RIC8B: variants seen among roughly 807,000 people sequenced by gnomAD.
RIC8B encodes the protein RIC8 guanine nucleotide exchange factor B.
Under a neutral mutation model 57.5 loss-of-function variants are expected in RIC8B, and 16 were observed. The observed-to-expected ratio is 0.28, with a 90% CI of 0.19 to 0.42. The LOEUF (loss-of-function observed/expected upper bound fraction) is 0.42, where lower values mean the gene tolerates loss of function less well. Among genes scored for constraint, RIC8B ranks in the 10% least tolerant of loss-of-function variants. RIC8B has a pLI of 1.00. For synonymous variants in RIC8B, 216 were observed against 250.8 expected (o/e 0.86, Z 1.31); for missense variants, 481 against 677.0 (o/e 0.71, Z 3.21).
At chr12:106,809,062 A>G (rs2045202143) in intron 2 of RIC8B, among the ~76,000 whole-genome samples, 1 of 152,216 alleles carries the variant, frequency 6.6e-6, no homozygotes, top group Admixed American at 6.5e-5. Context: ...GTGGAGGGAA[A>G]AAAAGGCCTA....
chr12:106,785,925 C>A (rs1010964959), intron 2 of RIC8B, among the ~76,000 whole-genome samples: 3 of 151,090 alleles, frequency 2.0e-5, no homozygotes, highest in Non-Finnish European at 4.4e-5. Context: ...GATTATAGTC[C>A]CCTGTAACAC....
At chr12:106,787,692 A>C (rs948157715) in intron 2 of RIC8B, among the ~76,000 whole-genome samples, 1 of 152,126 alleles carries the variant, frequency 6.6e-6, no homozygotes, top group Non-Finnish European at 1.5e-5. Flanking sequence ...CGATAAGCCC[A>C]TCAGATCCTG....
chr12:106,782,551 C>T (rs2043813545), intron 1 of RIC8B, among the ~76,000 whole-genome samples: 1 of 152,180 alleles, frequency 6.6e-6, no homozygotes, highest in African/African-American at 2.4e-5. Context: ...CCCTGGTTGC[C>T]TGTCACCTAT....
At chr12:106,821,070 A>G (rs908887017) in intron 3 of RIC8B, among the ~76,000 whole-genome samples, 5 of 152,260 alleles carry the variant, frequency 3.3e-5, no homozygotes, top group African/African-American at 9.6e-5. Flanking sequence ...AAACAGTTGT[A>G]TAAGCTGTGT....
intron 6 of RIC8B, among the ~76,000 whole-genome samples, chr12:106,847,541 C>T (rs1361006357): frequency 6.6e-6 from 1 of 152,132 alleles, no homozygotes; most frequent in Non-Finnish European, 1.5e-5. Flanking sequence ...CAGCCAGAGA[C>T]TGAAATATGG....
chr12:106,788,541 G>T (rs1387665559), intron 2 of RIC8B, among the ~76,000 whole-genome samples: 1 of 152,196 alleles, frequency 6.6e-6, no homozygotes, highest in Non-Finnish European at 1.5e-5. Context: ...AGGCCTTTCT[G>T]TACATCTTCT....
intron 4 of RIC8B, among the ~76,000 whole-genome samples, chr12:106,837,308 G>A (rs985117749): frequency 1.3e-5 from 2 of 152,008 alleles, no homozygotes; most frequent in Non-Finnish European, 2.9e-5. Context: ...GTTGCAGCGA[G>A]CCAAGATGGC....
chr12:106,790,993 AG>A (rs1262125205), intron 2 of RIC8B, among the ~76,000 whole-genome samples: 1 of 152,236 alleles, frequency 6.6e-6, no homozygotes, highest in Non-Finnish European at 1.5e-5. Context: ...TCAGCAAAAT[AG>A]GCACCTATAA....
intron 2 of RIC8B, among the ~76,000 whole-genome samples, chr12:106,803,214 TCAAAAAA>T (rs1170708235): frequency 0.012 from 998 of 84,276 alleles, 23 homozygotes; most frequent in African/African-American, 0.047. Flanking sequence ...ATACCCTGTC[TCAAAAAA>T]AAAAAAAAAA....
chr12:106,879,568 G>A lies in RIC8B; in HGVS notation c.1572-6336G>A. The A allele has an allele frequency of 1.0e-6, 1 of 985,136 alleles. No individual in the cohort carries two copies. The highest frequency in any genetic ancestry group is 1.2e-6 in the Non-Finnish European group (1 of 829,812). The allele number at this position is 985,136 out of a possible 1,614,324, so 61.0% of individuals were successfully genotyped here. A position where few individuals can be genotyped will look rare whatever the true frequency, so the allele number is the denominator to read the frequency against. On this transcript the variant is annotated intron_variant, in intron 9 of 9. Transcript: ENST00000392837. The surrounding 1 kb of genome is among the most constrained non-coding windows in gnomAD (Gnocchi z 4.9). The stretch of plus-strand genomic sequence containing the variant: ...AACAGACCAGAATATTTTAAATATG[G>A]TGTAAATTCCGTATCTCCCATCCCT...
intron 1 of RIC8B, among the ~76,000 whole-genome samples, chr12:106,778,590 CTT>C (rs1220477795): frequency 6.6e-6 from 1 of 152,124 alleles, no homozygotes; most frequent in African/African-American, 2.4e-5. Context: ...TATTAATCCT[CTT>C]ATATTAAAAC....
At chr12:106,823,894 C>G (rs2045970079) in intron 3 of RIC8B, among the ~76,000 whole-genome samples, 1 of 152,106 alleles carries the variant, frequency 6.6e-6, no homozygotes, top group Non-Finnish European at 1.5e-5. Context: ...CCATGTTGGC[C>G]AGGCTATCCT....
chr12:106,835,449 A>C (rs1330743830), intron 4 of RIC8B, among the ~76,000 whole-genome samples: 1 of 152,124 alleles, frequency 6.6e-6, no homozygotes, highest in African/African-American at 2.4e-5. Context: ...TTAATTGTTG[A>C]CATTTACTAT....
chr12:106,863,756 C>T (rs919811317), intron 8 of RIC8B, among the ~76,000 whole-genome samples: 7 of 152,050 alleles, frequency 4.6e-5, no homozygotes, highest in African/African-American at 1.7e-4. Flanking sequence ...AGTATATTAG[C>T]TTAACTACAG....
chr12:106,823,489 A>G (rs73200056), intron 3 of RIC8B: 18,959 of 455,664 alleles, frequency 0.042, 528 homozygotes, highest in Middle Eastern at 0.068. Flanking sequence ...AATAATGGAA[A>G]GACCAAATGG....
chr12:106,782,056 T>A (rs531685159), intron 1 of RIC8B, among the ~76,000 whole-genome samples: 38 of 151,956 alleles, frequency 2.5e-4, no homozygotes, highest in Non-Finnish European at 3.4e-4. Flanking sequence ...TTAAAAAAAA[T>A]TTTTATTATG....
rs555398355 is a variant in RIC8B, at chr12:106,782,433, C to G, written c.85-1564C>G. The stretch of plus-strand genomic sequence containing the variant: ...ATGCCTGGATTATTGATGTCCATTC[C>G]TCACAGGGCATTATGTCCTTAGTCT... On this transcript the variant is annotated intron_variant, in intron 1 of 9. Coordinates refer to ENST00000392837, the MANE Select transcript of RIC8B (RefSeq NM_001330145.2). Among the ~76,000 whole-genome samples, 6 of 152,312 alleles carry G rather than the reference C, an allele frequency of 3.9e-5. No individual in the cohort carries two copies. The South Asian group carries it at 8.3e-4, about 21-fold the overall frequency.
intron 3 of RIC8B, among the ~76,000 whole-genome samples, chr12:106,817,754 G>A (rs1255456611): frequency 6.6e-6 from 1 of 151,760 alleles, no homozygotes; most frequent in Non-Finnish European, 1.5e-5. Flanking sequence ...GAACCCGGGA[G>A]GCGGAGCTTG....
chr12:106,795,792 T>G lies in RIC8B; in HGVS notation c.132+11748T>G, dbSNP rs527245366. On this transcript the variant is annotated intron_variant, in intron 2 of 9. Transcript: ENST00000392837. ...TTAAAAGGAAAACCTTACCGAGGAC[T>G]TCCGTACCCTCACTATCTGCCTAAG... Among the ~76,000 whole-genome samples the G allele has an allele frequency of 6.6e-4, 100 of 152,318 alleles. No homozygotes were observed. The South Asian group carries it at 0.011, about 17-fold the overall frequency.
Sources: allele counts gnomAD v4.1 joint callset (sites outside exome capture counted in the v4.1 genomes callset), GRCh38; gene constraint gnomAD v4.1.1; non-coding constraint Gnocchi (gnomAD v3.1); transcripts MANE v1.5; gene names NCBI Gene and HGNC (gene_info 2026-07-23, HGNC 2026-07-21).